DLC1: variants seen among roughly 807,000 people sequenced by gnomAD.
DLC1 encodes the protein rho GTPase-activating protein 7.
In DLC1, 54 loss-of-function variants were observed where a neutral mutation model predicts 140.3. That is an observed-to-expected ratio of 0.38 (90% CI 0.31 to 0.48). DLC1 has a LOEUF of 0.48. DLC1 is among the 20% of genes least tolerant of loss of function. The pLI, the probability that DLC1 is intolerant of heterozygous loss-of-function variation, is 0.96. For synonymous variants in DLC1, 986 were observed against 728.1 expected (o/e 1.35, Z -5.70); for missense variants, 2,536 against 1,907.0 (o/e 1.33, Z -6.14).
intron 4 of DLC1, among the ~76,000 whole-genome samples, chr8:13,379,203 C>G (rs982307196): frequency 1.3e-5 from 2 of 152,122 alleles, no homozygotes; most frequent in African/African-American, 4.8e-5. Flanking sequence ...GTCCATGCTG[C>G]TGAAAAGTCA....
intron 4 of DLC1, among the ~76,000 whole-genome samples, chr8:13,350,597 T>A (rs1270738494): frequency 1.3e-5 from 2 of 152,084 alleles, no homozygotes; most frequent in African/African-American, 4.8e-5. Context: ...CCACCTGTAA[T>A]GACAGGTACT....
intron 5 of DLC1, among the ~76,000 whole-genome samples, chr8:13,190,300 A>C (rs1431189424): frequency 6.6e-6 from 1 of 152,042 alleles, no homozygotes; most frequent in Non-Finnish European, 1.5e-5. Flanking sequence ...CTTTGGAGAT[A>C]TCTATGGGGT....
Position 13,098,589 on chromosome 8 carries a change from G to T in DLC1, c.2991-14C>A, listed in dbSNP as rs750569912. The T allele has an allele frequency of 3.1e-6, 5 of 1,608,676 alleles. No homozygotes were observed. The highest frequency in any genetic ancestry group is 3.4e-6 in the Non-Finnish European group (4 of 1,177,840). On this transcript the variant is annotated splice_polypyrimidine_tract_variant and intron_variant, in intron 9 of 17. Coordinates refer to ENST00000276297, the MANE Select transcript of DLC1 (RefSeq NM_182643.3). Reference sequence around the variant, plus strand: ...CTCAGTCGGTGCCTGCGAGAGAAGAGGAGAGGAAAATGAGTGTGAAGCCTT... The same window carrying T: ...CTCAGTCGGTGCCTGCGAGAGAAGATGAGAGGAAAATGAGTGTGAAGCCTT...
intron 10 of DLC1, among the ~76,000 whole-genome samples, chr8:13,097,614 G>A (rs147151865): frequency 6.6e-6 from 1 of 152,108 alleles, no homozygotes; most frequent in Non-Finnish European, 1.5e-5. Flanking sequence ...ACCAGGTACT[G>A]TAAATCAAGA....
At chr8:13,601,080 G>C (rs1056590994) in intron 1 of DLC1, among the ~76,000 whole-genome samples, 1 of 151,616 alleles carries the variant, frequency 6.6e-6, no homozygotes, top group African/African-American at 2.4e-5. Flanking sequence ...GTCATATAAA[G>C]CCCTCCTAAA....
At chr8:13,464,243 G>A (rs958071850) in intron 2 of DLC1, among the ~76,000 whole-genome samples, 1 of 152,048 alleles carries the variant, frequency 6.6e-6, no homozygotes, top group Non-Finnish European at 1.5e-5. Flanking sequence ...AGGGTCAGAG[G>A]TAATTGAGAT....
Position 13,099,805 on chromosome 8 carries a change from G to A in DLC1, c.2532C>T (p.His844=), listed in dbSNP as rs371738249. 6 of 1,614,186 alleles carry A rather than the reference G, an allele frequency of 3.7e-6. No homozygotes were observed. The highest frequency in any genetic ancestry group is 3.3e-5 in the Admixed American group (2 of 60,028). Residue 844 remains histidine (H), a synonymous_variant, in exon 9 of 18, where the codon CAC becomes CAT. Transcript: ENST00000276297. ...GSVNWRTGSF[H]GPGHISLRRE... The stretch of plus-strand genomic sequence containing the variant: ...TCCTGAGGCTGATGTGGCCAGGGCC[G>A]TGGAAGCTTCCCGTCCTCCAGTTCA...
intron 2 of DLC1, among the ~76,000 whole-genome samples, chr8:13,458,480 GT>G (rs1348792775): frequency 1.3e-5 from 2 of 152,132 alleles, no homozygotes; most frequent in East Asian, 3.8e-4. Context: ...CTAACATAGA[GT>G]GAGCTCATTA....
intron 4 of DLC1, among the ~76,000 whole-genome samples, chr8:13,385,031 A>G (rs904931924): frequency 2.0e-5 from 3 of 152,170 alleles, no homozygotes; most frequent in Admixed American, 2.0e-4. Flanking sequence ...GAAGGCCAAT[A>G]TATAAAAGAG....
intron 1 of DLC1, among the ~76,000 whole-genome samples, chr8:13,536,348 G>C (rs1044209044): frequency 6.6e-6 from 1 of 152,144 alleles, no homozygotes; most frequent in Non-Finnish European, 1.5e-5. Flanking sequence ...TAATCACAAG[G>C]TTATAATCAT....
intron 17 of DLC1, 110 bp from the exon 18 acceptor site, chr8:13,086,041 C>T: frequency 2.0e-6 from 3 of 1,487,210 alleles, no homozygotes; most frequent in Non-Finnish European, 2.7e-6. Context: ...TATCATTTCC[C>T]ATGCCTTTGA....
At chr8:13,133,216 C>G in intron 5 of DLC1, 1 of 1,420,108 alleles carries the variant, frequency 7.0e-7, no homozygotes, top group African/African-American at 1.5e-5. Flanking sequence ...TGAGCCGGCG[C>G]TCCTGATGCG....
intron 1 of DLC1, among the ~76,000 whole-genome samples, chr8:13,534,711 G>C (rs1164947745): frequency 6.6e-6 from 1 of 152,200 alleles, no homozygotes; most frequent in African/African-American, 2.4e-5. Flanking sequence ...GCCAGCTGCT[G>C]TCAATTCTGA....
In DLC1 at chr8:13,453,770, C is replaced by T. The variant is rs1328674973; in HGVS notation, c.1023+45279G>A. On this transcript the variant is annotated intron_variant, in intron 2 of 17. Coordinates refer to ENST00000276297, the MANE Select transcript of DLC1 (RefSeq NM_182643.3). ...GTACTTTGTTATAATTGTAGAACTA[C>T]TATTTTACAGTTAAATTTCATTATA... Among the ~76,000 whole-genome samples the T allele has an allele frequency of 5.3e-5, 8 of 151,014 alleles. 1 individual carries two copies. The highest frequency in any genetic ancestry group is 1.9e-4 in the African/African-American group (8 of 41,050).
chr8:13,188,080 ATTTTTTTTT>A lies in DLC1; in HGVS notation c.1349-72432_1349-72424del, dbSNP rs34182663. ...TAAGCAGGTCCATACAACAGTGGCA[ATTTTTTTTT>A]TTTTTTTTTTTGAGACAGAGTCTTG... is the stretch of plus-strand genomic sequence containing the variant. On this transcript the variant is annotated intron_variant, in intron 5 of 17. Coordinates refer to ENST00000276297, the MANE Select transcript of DLC1 (RefSeq NM_182643.3). Among the ~76,000 whole-genome samples the A allele has an allele frequency of 4.2e-5, 5 of 119,172 alleles. No individual in the cohort carries two copies. In the East Asian group the frequency reaches 1.5e-3, roughly 35 times the overall value. The allele number at this position is 119,172 out of a possible 152,430, so 78.2% of individuals were successfully genotyped here. A position where few individuals can be genotyped will look rare whatever the true frequency, so the allele number is the denominator to read the frequency against.
chr8:13,567,878 C>A, intron 1 of DLC1: 1 of 1,551,842 alleles, frequency 6.4e-7, no homozygotes. Flanking sequence ...TGTCATTTAC[C>A]ATTTTCTCTG....
intron 4 of DLC1, among the ~76,000 whole-genome samples, chr8:13,325,018 T>C (rs1833281087): frequency 6.6e-6 from 1 of 152,216 alleles, no homozygotes; most frequent in South Asian, 2.1e-4. Flanking sequence ...CCCAAGTTTC[T>C]TAAAATTACA....
chr8:13,099,225 C>T (rs1563589012), intron 9 of DLC1, 122 bp downstream of exon 9: 2 of 1,469,706 alleles, frequency 1.4e-6, no homozygotes, highest in South Asian at 1.4e-5. Flanking sequence ...TGACACCTTC[C>T]TTAGGAATGG....
chr8:13,090,027 T>C (rs1447847446), intron 15 of DLC1, among the ~76,000 whole-genome samples: 3 of 152,176 alleles, frequency 2.0e-5, no homozygotes, highest in Non-Finnish European at 2.9e-5. Flanking sequence ...TCATTAGAAA[T>C]AGTTGAAATC....
Sources: allele counts gnomAD v4.1 joint callset (sites outside exome capture counted in the v4.1 genomes callset), GRCh38; gene constraint gnomAD v4.1.1; transcripts MANE v1.5; gene names NCBI Gene and HGNC (gene_info 2026-07-23, HGNC 2026-07-21).